Variants in DST observed in about 807,000 individuals in gnomAD.
The protein encoded by DST is bullous pemphigoid antigen.
DST carries 253 observed loss-of-function variants against 875.2 expected under a neutral mutation model. The ratio of observed to expected loss-of-function variants is 0.29; its 90% CI spans 0.26 to 0.32. DST has a LOEUF of 0.32. Ranked by LOEUF, DST falls within the 10% of genes least tolerant of loss-of-function variation. The pLI is 1.00. For synonymous variants in DST, 3,124 were observed against 3,197.1 expected (o/e 0.98, Z 0.77); for missense variants, 8,287 against 9,111.6 (o/e 0.91, Z 3.68).
intron 17 of DST, 64 bp downstream of exon 17, chr6:56,641,883 T>C: frequency 1.5e-6 from 2 of 1,331,696 alleles, no homozygotes; most frequent in South Asian, 1.5e-5. Flanking sequence ...TACATTCCTA[T>C]TTCAAATGCC....
intron 4 of DST, among the ~76,000 whole-genome samples, chr6:56,738,562 G>T (rs928460789): frequency 6.6e-6 from 1 of 151,924 alleles, no homozygotes; most frequent in Non-Finnish European, 1.5e-5. Context: ...CCTCGTGATC[G>T]GCCCGCCTCA....
At position 56,532,411 on chromosome 6, in the gene DST, T is replaced by A; in HGVS notation, c.17041A>T (p.Lys5681Ter). The A allele has an allele frequency of 6.2e-7, 1 of 1,613,676 alleles. No homozygotes were observed. The highest frequency in any genetic ancestry group is 8.5e-7 in the Non-Finnish European group (1 of 1,179,722). The change falls in exon 64 of 104, where the codon AAG (lysine) becomes TAG (stop). Residue 5681 changes from lysine to a stop codon, truncating the protein, a stop_gained. Transcript: ENST00000680361. LOFTEE classifies it high-confidence loss of function. ...ATTAEPADKV[K>*]ILKQLSLLDS... ...AAGAGACTGAGCTGTTTCAAAATCT[T>A]CACTTTATCTGCGGGCTCTGCTGTT...
intron 75 of DST, among the ~76,000 whole-genome samples, chr6:56,507,977 C>T (rs1392366304): frequency 6.6e-6 from 1 of 151,924 alleles, no homozygotes; most frequent in South Asian, 2.1e-4. Flanking sequence ...ATAATAAGGC[C>T]CTGAAATAAG....
chr6:56,841,168 G>C (rs2099799505), intron 4 of DST, among the ~76,000 whole-genome samples: 1 of 152,174 alleles, frequency 6.6e-6, no homozygotes, highest in Non-Finnish European at 1.5e-5. Flanking sequence ...GTGTAGTGAA[G>C]TCATCATACT....
rs375721430 is a variant in DST, at chr6:56,630,258, A to G, written c.4268T>C (p.Ile1423Thr). ...TGAGTCTCATACCTTTAAAGTACTTATTAGATTCTCAATATTATTCTTGTC... is the reference window on the plus strand; with the variant it reads ...TGAGTCTCATACCTTTAAAGTACTTGTTAGATTCTCAATATTATTCTTGTC... Reference protein sequence around the residue: ...IADKNNIENLISTLKQWRSEV... With the variant: ...IADKNNIENLTSTLKQWRSEV... The change falls in exon 31 of 104, where the codon ATA becomes ACA. Residue 1423 changes from isoleucine (I) to threonine (T), a missense_variant. Physicochemically the swap from Ile to Thr is moderately conservative, Grantham distance 89. Around this residue, in one of 10 missense-constraint regions of DST, gnomAD observed 3,138 missense variants for 3,116.6 expected, o/e 1.01. Coordinates refer to ENST00000680361, the MANE Select transcript of DST (RefSeq NM_001374736.1). 1 of 1,595,692 alleles carries G rather than the reference A, an allele frequency of 6.3e-7. No homozygotes were observed. Among genetic ancestry groups the G allele is most frequent in the African/African-American group, 1.3e-5 (1 of 74,562 alleles).
intron 6 of DST, 124 bp downstream of exon 6, chr6:56,704,156 G>A (rs764944181): frequency 8.3e-6 from 4 of 483,724 alleles, no homozygotes; most frequent in Non-Finnish European, 7.2e-6. Flanking sequence ...TCTTTTTCAG[G>A]CAGAATTCAT....
chr6:56,509,939 T>C, intron 73 of DST, 66 bp from the exon 74 acceptor site: 3 of 1,245,458 alleles, frequency 2.4e-6, no homozygotes, highest in East Asian at 4.8e-5. Context: ...GAAATTTAAA[T>C]GAAAAAACAT....
At position 56,476,291 on chromosome 6, in the gene DST, A is replaced by G; in HGVS notation, c.21722T>C (p.Leu7241Pro). The G allele has an allele frequency of 6.2e-7, 1 of 1,606,924 alleles. No homozygotes were observed. Among genetic ancestry groups the G allele is most frequent in the Non-Finnish European group, 8.5e-7 (1 of 1,176,204 alleles). The change falls in exon 92 of 104, where the codon CTG becomes CCG. Residue 7241 changes from leucine to proline, a missense_variant. Physicochemically the swap from Leu to Pro is moderately conservative, Grantham distance 98. Around this residue, in one of 10 missense-constraint regions of DST, gnomAD observed 1,292 missense variants for 1,552.7 expected, o/e 0.83. Coordinates refer to ENST00000680361, the MANE Select transcript of DST (RefSeq NM_001374736.1). ...TTCCTGTTTGGCAATAAGCCCAGCCAGAGCACTTGCTAATCTCTGCTGATG... is the reference window on the plus strand; with the variant it reads ...TTCCTGTTTGGCAATAAGCCCAGCCGGAGCACTTGCTAATCTCTGCTGATG... ...KQHQQRLASA[L>P]AGLIAKQELL...
chr6:56,640,400 T>G lies in DST; in HGVS notation c.2233A>C (p.Ser745Arg). Residue 745 changes from serine (S) to arginine (R), a missense_variant, in exon 18 of 104, where the codon AGT becomes CGT. By Grantham distance (110) the Ser-to-Arg change is moderately radical. Coordinates refer to ENST00000680361, the MANE Select transcript of DST (RefSeq NM_001374736.1). Reference protein sequence around the residue: ...QSLTPSLTSSSMTSGLSSGMT... With the variant: ...QSLTPSLTSSRMTSGLSSGMT... ...CCTGATGACAGGCCAGAAGTCATAC[T>G]AGAAGAGGTTAGGGAAGGTGTTAAA... 6.2e-7 allele frequency: 1 copy of G among 1,614,158 alleles called. No individual in the cohort carries two copies. Among genetic ancestry groups the G allele is most frequent in the Non-Finnish European group, 8.5e-7 (1 of 1,180,012 alleles).
At chr6:56,827,506 CAAAAAAAAAAA>C (rs779051829) in intron 4 of DST, among the ~76,000 whole-genome samples, 3 of 58,764 alleles carry the variant, frequency 5.1e-5, no homozygotes, top group Non-Finnish European at 1.1e-4. Context: ...GACTCCGTCT[CAAAAAAAAAAA>C]AAAAAAAAAA....
chr6:56,498,791 G>A (rs968772872), intron 80 of DST, among the ~76,000 whole-genome samples: 8 of 152,048 alleles, frequency 5.3e-5, no homozygotes, highest in Admixed American at 6.6e-5. Context: ...TGACTGCTAA[G>A]TTGAAATATT....
At chr6:56,540,677 G>T (rs578262523) in intron 61 of DST, 1 of 152,604 alleles carries the variant, frequency 6.6e-6, no homozygotes, top group Admixed American at 6.5e-5. Context: ...TCTATTTCTT[G>T]GCATAATTAA....
At chr6:56,512,969 C>T (rs1298529284) in intron 72 of DST, among the ~76,000 whole-genome samples, 2 of 152,188 alleles carry the variant, frequency 1.3e-5, no homozygotes, top group Admixed American at 6.5e-5. Flanking sequence ...CTTCATGCTG[C>T]TTTACCGAAT....
chr6:56,611,127 C>CAAAA (rs1371538342), intron 38 of DST, among the ~76,000 whole-genome samples: 1 of 152,080 alleles, frequency 6.6e-6, no homozygotes, highest in Non-Finnish European at 1.5e-5. Flanking sequence ...AGAAACGAGG[C>CAAAA]TGCCATAGGT....
chr6:56,852,232 C>A (rs1384932665), intron 3 of DST, among the ~76,000 whole-genome samples: 1 of 152,220 alleles, frequency 6.6e-6, no homozygotes, highest in Non-Finnish European at 1.5e-5. Context: ...AGAGCCTTTT[C>A]TTAAGACTGG....
chr6:56,481,691 C>G (rs2152420538), intron 90 of DST, among the ~76,000 whole-genome samples: 1 of 152,298 alleles, frequency 6.6e-6, no homozygotes, highest in African/African-American at 2.4e-5. Flanking sequence ...AAATGCCAAA[C>G]TGCTCGTTAA....
In DST at chr6:56,947,518, A is replaced by G. The variant is rs144403386; in HGVS notation, c.216+6267T>C. Among the ~76,000 whole-genome samples, 1,453 of 152,166 alleles carry G rather than the reference A, an allele frequency of 9.5e-3. 24 individuals are homozygous for G. Among genetic ancestry groups the G allele is most frequent in the African/African-American group, 0.033 (1,362 of 41,526 alleles). ...CCACCTCAGCCTCCCAAAGTTCTGGAATTACAGGCGTGAGCCACCACGCCC... is the reference window on the plus strand; with the variant it reads ...CCACCTCAGCCTCCCAAAGTTCTGGGATTACAGGCGTGAGCCACCACGCCC... On this transcript the variant is annotated intron_variant, in intron 2 of 103. Transcript: ENST00000680361.
At chr6:56,739,711 G>A (rs574905756) in intron 4 of DST, among the ~76,000 whole-genome samples, 3 of 152,294 alleles carry the variant, frequency 2.0e-5, no homozygotes, top group South Asian at 4.1e-4. Context: ...AAATGGCAAC[G>A]AGAGTGACCT....
intron 36 of DST, chr6:56,615,948 C>T (rs1187908580): frequency 6.2e-7 from 1 of 1,614,230 alleles, no homozygotes; most frequent in Non-Finnish European, 8.5e-7. Context: ...TCAACCAGGC[C>T]TCTATGCAAA....
Sources: gnomAD v4.1 joint callset for allele counts (sites outside exome capture counted in the v4.1 genomes callset) on GRCh38, gnomAD v4.1.1 for gene constraint, gnomAD v4.1.1 regional missense constraint, MANE v1.5 for transcripts, NCBI Gene and HGNC (gene_info 2026-07-23, HGNC 2026-07-21) for gene names.